The following PTGER3 variants were observed in gnomAD, a reference collection of about 807,000 sequenced individuals.
The protein encoded by PTGER3 is prostaglandin E receptor 3, also known as prostaglandin E2 receptor EP3 subtype.
PTGER3 carries 22 observed loss-of-function variants against 34.7 expected under a neutral mutation model. That is an observed-to-expected ratio of 0.63 (90% confidence interval 0.45 to 0.91). The LOEUF (loss-of-function observed/expected upper bound fraction) is 0.91, where lower values mean the gene tolerates loss of function less well. PTGER3 is among the 40% of genes least tolerant of loss of function. The probability of loss-of-function intolerance (pLI) is 0.00; values close to 1 mark genes in which losing one functional copy is unlikely to be tolerated. For synonymous variants in PTGER3, 241 were observed against 230.1 expected (o/e 1.05, Z -0.43); for missense variants, 468 against 519.4 (o/e 0.90, Z 0.96).
chr1:70,853,816 C>T (rs1374112515), intron 4 of PTGER3, among the ~76,000 whole-genome samples: 2 of 152,150 alleles, frequency 1.3e-5, no homozygotes, highest in Non-Finnish European at 2.9e-5. Context: ...CAGATAAACC[C>T]TTGTGCACGC....
intron 2 of PTGER3, among the ~76,000 whole-genome samples, chr1:70,978,497 A>G (rs1235906112): frequency 6.6e-6 from 1 of 152,134 alleles, no homozygotes; most frequent in Non-Finnish European, 1.5e-5. Flanking sequence ...CTCAAGGGGG[A>G]AAATATAGAT....
chr1:70,945,959 G>A (rs1015440258), intron 4 of PTGER3, among the ~76,000 whole-genome samples: 1 of 152,064 alleles, frequency 6.6e-6, no homozygotes, highest in Non-Finnish European at 1.5e-5. Context: ...AATATTTTAA[G>A]TGCACAGCTA....
chr1:70,868,383 G>GT (rs1349474781), intron 4 of PTGER3, among the ~76,000 whole-genome samples: 3 of 152,130 alleles, frequency 2.0e-5, no homozygotes, highest in African/African-American at 7.2e-5. Context: ...GACTGTAGTT[G>GT]TTGATTGTAG....
intron 1 of PTGER3, among the ~76,000 whole-genome samples, chr1:71,020,027 A>G (rs527802014): frequency 6.6e-6 from 1 of 152,200 alleles, no homozygotes. Context: ...TGATAAGTGT[A>G]TTTCATCATA....
chr1:71,019,122 A>T (rs1420466745), intron 1 of PTGER3, among the ~76,000 whole-genome samples: 2 of 152,200 alleles, frequency 1.3e-5, no homozygotes, highest in Non-Finnish European at 2.9e-5. Context: ...TGTGTTTGCA[A>T]ATATCTTTCA....
intron 4 of PTGER3, among the ~76,000 whole-genome samples, chr1:70,931,355 C>T (rs1236686936): frequency 1.3e-5 from 2 of 152,156 alleles, no homozygotes; most frequent in Non-Finnish European, 2.9e-5. Flanking sequence ...AGTGGCTTTA[C>T]CATTCTGGGG....
chr1:70,892,177 A>G (rs1462797513), intron 4 of PTGER3, among the ~76,000 whole-genome samples: 1 of 152,206 alleles, frequency 6.6e-6, no homozygotes, highest in Non-Finnish European at 1.5e-5. Flanking sequence ...AGGAAGACAG[A>G]CCTGCATTTC....
chr1:70,977,774 T>G (rs1193343616), intron 2 of PTGER3, among the ~76,000 whole-genome samples: 2 of 152,000 alleles, frequency 1.3e-5, no homozygotes, highest in African/African-American at 4.8e-5. Context: ...GGGAAACCAA[T>G]ACACACAAAC....
At chr1:71,034,828 A>G (rs114119946) in intron 1 of PTGER3, among the ~76,000 whole-genome samples, 2,478 of 152,316 alleles carry the variant, frequency 0.016, 76 homozygotes, top group African/African-American at 0.056. Flanking sequence ...TTCTTTATTG[A>G]AAATTTATTG....
At position 70,990,507 on chromosome 1, in the gene PTGER3, G is replaced by A. The variant is rs1379104302; in HGVS notation, c.1078-16119C>T. Among the ~76,000 whole-genome samples, 3 of 150,618 alleles carry A rather than the reference G, an allele frequency of 2.0e-5. No individual in the cohort carries two copies. The East Asian group carries it at 5.8e-4, about 29-fold the overall frequency. ...ATGCATTTTATATACATGTATGTATGTACACATATAAATACATGTATGTAC... is the reference window on the plus strand; with the variant it reads ...ATGCATTTTATATACATGTATGTATATACACATATAAATACATGTATGTAC... On this transcript the variant is annotated intron_variant, in intron 2 of 3. Coordinates refer to ENST00000306666, the MANE Select transcript of PTGER3 (RefSeq NM_198719.2).
At chr1:70,973,232 TA>T (rs1157943554) in intron 3 of PTGER3, among the ~76,000 whole-genome samples, 41 of 119,906 alleles carry the variant, frequency 3.4e-4, no homozygotes, top group Admixed American at 2.2e-3. Flanking sequence ...GATAGATAGA[TA>T]GATAGATAGA....
downstream of PTGER3, among the ~76,000 whole-genome samples, chr1:70,949,646 C>T (rs1650557940): frequency 6.6e-6 from 1 of 152,158 alleles, no homozygotes; most frequent in Admixed American, 6.5e-5. Context: ...TGAGACTTAA[C>T]TTGCCAAATG....
chr1:70,883,221 GA>G (rs796604240), intron 4 of PTGER3, among the ~76,000 whole-genome samples: 1 of 152,030 alleles, frequency 6.6e-6, no homozygotes, highest in Non-Finnish European at 1.5e-5. Context: ...TTTATGCCTA[GA>G]AAAAAACCTA....
intron 4 of PTGER3, among the ~76,000 whole-genome samples, chr1:70,930,428 T>G (rs1648573661): frequency 6.6e-6 from 1 of 152,212 alleles, no homozygotes; most frequent in Non-Finnish European, 1.5e-5. Context: ...GGTCTCACTC[T>G]CCATCTCCTT....
chr1:70,920,482 G>T (rs1234275488), intron 4 of PTGER3, among the ~76,000 whole-genome samples: 1 of 152,160 alleles, frequency 6.6e-6, no homozygotes, highest in Non-Finnish European at 1.5e-5. Flanking sequence ...CTTACTAAAA[G>T]AAATCTCAGA....
chr1:70,957,882 A>C (rs904134162), intron 2 of PTGER3, among the ~76,000 whole-genome samples: 11 of 151,940 alleles, frequency 7.2e-5, no homozygotes, highest in African/African-American at 2.7e-4. Context: ...TTTACTCTCT[A>C]TTTCTATGAA....
At chr1:70,985,527 A>G (rs906239222) in intron 2 of PTGER3, among the ~76,000 whole-genome samples, 1 of 152,174 alleles carries the variant, frequency 6.6e-6, no homozygotes, top group Non-Finnish European at 1.5e-5. Context: ...GCCACCCAGA[A>G]GGACTACAGG....
chr1:70,916,770 C>T (rs1409990), intron 4 of PTGER3, among the ~76,000 whole-genome samples: 97,306 of 151,686 alleles, frequency 0.64, 31,376 homozygotes, highest in East Asian at 0.78. Flanking sequence ...ACCTATTGGG[C>T]ACTATGCTTA....
chr1:70,939,220 G>A (rs1649532162), intron 4 of PTGER3, among the ~76,000 whole-genome samples: 1 of 152,180 alleles, frequency 6.6e-6, no homozygotes, highest in Non-Finnish European at 1.5e-5. Flanking sequence ...TTGTCTCCAT[G>A]TCCCACATCC....
Sources: gnomAD v4.1 joint callset for allele counts (sites outside exome capture counted in the v4.1 genomes callset) on GRCh38, gnomAD v4.1.1 for gene constraint, MANE v1.5 for transcripts, NCBI Gene and HGNC (gene_info 2026-07-23, HGNC 2026-07-21) for gene names.